RASA2: variants seen among roughly 807,000 people sequenced by gnomAD.
RASA2 encodes the protein RAS p21 protein activator 2, also known as ras GTPase-activating protein 2.
In RASA2, 155 loss-of-function variants were observed where a neutral mutation model predicts 118.2. The observed-to-expected ratio is 1.31, with a 90% confidence interval of 1.15 to 1.50. The LOEUF (loss-of-function observed/expected upper bound fraction) is 1.50, where lower values mean the gene tolerates loss of function less well. Among genes scored for constraint, RASA2 ranks in the 40% most tolerant of loss-of-function variants. The pLI, the probability that RASA2 is intolerant of heterozygous loss-of-function variation, is 0.00. For missense variants in RASA2, 1,016 were observed against 1,009.6 expected (o/e 1.01, Z -0.09); for synonymous variants, 353 against 349.1 (o/e 1.01, Z -0.12).
intron 1 of RASA2, among the ~76,000 whole-genome samples, chr3:141,503,847 C>G (rs79689507): frequency 2.4e-4 from 37 of 152,234 alleles, no homozygotes; most frequent in African/African-American, 8.9e-4. Flanking sequence ...CAAAACGTCT[C>G]TGTATTAATA....
intron 5 of RASA2, among the ~76,000 whole-genome samples, chr3:141,550,047 A>G (rs1444460283): frequency 6.6e-6 from 1 of 152,218 alleles, no homozygotes; most frequent in Non-Finnish European, 1.5e-5. Flanking sequence ...GATTTTTCCT[A>G]TAGTAGAATT....
At chr3:141,597,094 G>A (rs2083385303) in intron 19 of RASA2, among the ~76,000 whole-genome samples, 1 of 152,062 alleles carries the variant, frequency 6.6e-6, no homozygotes. Context: ...ATATATATAT[G>A]CAATAGAACA....
chr3:141,512,118 G>A (rs762316005), intron 1 of RASA2, 45 bp from the exon 2 acceptor site: 1 of 1,300,684 alleles, frequency 7.7e-7, no homozygotes, highest in Admixed American at 1.8e-5. Flanking sequence ...TTAGTATGAA[G>A]CAGTTGATGA....
rs182964468 is a variant in RASA2, at chr3:141,610,304, A to C, written c.2519+238A>C. The stretch of plus-strand genomic sequence containing the variant: ...TTTTAATTTCATATATATGTATATG[A>C]AATTATATATGATATATGTATATAA... On this transcript the variant is annotated intron_variant, in intron 23 of 23. Coordinates refer to ENST00000286364, the MANE Select transcript of RASA2 (RefSeq NM_006506.5). Among the ~76,000 whole-genome samples, 52 of 143,660 alleles carry C rather than the reference A, an allele frequency of 3.6e-4. 1 individual carries two copies. The East Asian group carries it at 0.01, about 28-fold the overall frequency. The allele number at this position is 143,660 out of a possible 152,430, so 94.2% of individuals were successfully genotyped here.
intron 17 of RASA2, among the ~76,000 whole-genome samples, chr3:141,582,111 A>T (rs1245457958): frequency 1.3e-5 from 2 of 152,256 alleles, no homozygotes; most frequent in Non-Finnish European, 2.9e-5. Context: ...GCCAAATGTT[A>T]AAGACTTCAT....
In RASA2 at chr3:141,613,074, C is replaced by G. The variant is rs1257116590; in HGVS notation, c.*761C>G. On this transcript the variant is annotated 3_prime_UTR_variant, in exon 24 of 24. Transcript: ENST00000286364. ...TCATTTTCTTGATTTGAAAGTTTAA[C>G]ATGACTTCTAAGGACATCTCTTCAA... 3 of 152,184 alleles carry G rather than the reference C, an allele frequency of 2.0e-5. No homozygotes were observed. The highest frequency in any genetic ancestry group is 7.2e-5 in the African/African-American group (3 of 41,430). 9.4% of individuals were successfully genotyped at this position (152,184 alleles called of 1,614,324 possible).
chr3:141,566,596 A>G (rs2082823889), intron 9 of RASA2, among the ~76,000 whole-genome samples: 1 of 152,260 alleles, frequency 6.6e-6, no homozygotes, highest in African/African-American at 2.4e-5. Flanking sequence ...TACTAAGTGA[A>G]TAGTGATGAC....
chr3:141,488,911 T>C (rs1015389273), intron 1 of RASA2, among the ~76,000 whole-genome samples: 3 of 152,206 alleles, frequency 2.0e-5, no homozygotes. Flanking sequence ...GAACTACATA[T>C]ACACATGTCT....
chr3:141,580,844 A>T (rs1325142237), intron 16 of RASA2, among the ~76,000 whole-genome samples: 1 of 152,000 alleles, frequency 6.6e-6, no homozygotes, highest in Non-Finnish European at 1.5e-5. Flanking sequence ...AAAAAAAAAA[A>T]AGCAGACAGT....
chr3:141,610,067 G>A lies in RASA2; in HGVS notation c.2519+1G>A. 3 of 1,568,268 alleles carry A rather than the reference G, an allele frequency of 1.9e-6. No homozygotes were observed. The highest frequency in any genetic ancestry group is 1.7e-6 in the Non-Finnish European group (2 of 1,157,978). On this transcript the variant is annotated splice_donor_variant, in intron 23 of 23. Transcript: ENST00000286364. LOFTEE classifies it high-confidence loss of function. ...CCAGTAGTGCAAAATATGGGAGCAAGTGAGTAATTTTTAAGCTATTGTAAA... is the reference window on the plus strand; with the variant it reads ...CCAGTAGTGCAAAATATGGGAGCAAATGAGTAATTTTTAAGCTATTGTAAA...
intron 19 of RASA2, among the ~76,000 whole-genome samples, chr3:141,597,164 G>A (rs1256458186): frequency 6.6e-6 from 1 of 152,162 alleles, no homozygotes; most frequent in Non-Finnish European, 1.5e-5. Flanking sequence ...ACTTTGGGAG[G>A]CCAAGGTAGG....
At chr3:141,497,240 G>T (rs1338482438) in intron 1 of RASA2, among the ~76,000 whole-genome samples, 3 of 150,536 alleles carry the variant, frequency 2.0e-5, no homozygotes, top group Non-Finnish European at 4.4e-5. Context: ...ATTAATGGGT[G>T]CAGCACACCA....
At position 141,612,944 on chromosome 3, in the gene RASA2, G is replaced by A. The variant is rs547495711; in HGVS notation, c.*631G>A. 1 of 152,168 alleles carries A rather than the reference G, an allele frequency of 6.6e-6. No individual in the cohort carries two copies. Among genetic ancestry groups the A allele is most frequent in the African/African-American group, 2.4e-5 (1 of 41,430 alleles). 9.4% of individuals were successfully genotyped at this position (152,168 alleles called of 1,614,324 possible). A position where few individuals can be genotyped will look rare whatever the true frequency, so the allele number is the denominator to read the frequency against. ...CAAAACTCAAGACAGAAGGAATCAG[G>A]GAATATGTGCTATTGTGTGCATCTT... On this transcript the variant is annotated 3_prime_UTR_variant, in exon 24 of 24. Coordinates refer to ENST00000286364, the MANE Select transcript of RASA2 (RefSeq NM_006506.5).
chr3:141,575,229 C>A (rs1292427032), intron 14 of RASA2, among the ~76,000 whole-genome samples: 1 of 152,188 alleles, frequency 6.6e-6, no homozygotes, highest in Non-Finnish European at 1.5e-5. Flanking sequence ...CATGTGCTCA[C>A]CCTGTACACA....
intron 4 of RASA2, among the ~76,000 whole-genome samples, chr3:141,534,034 C>T (rs1225271555): frequency 6.6e-6 from 1 of 152,138 alleles, no homozygotes; most frequent in Non-Finnish European, 1.5e-5. Context: ...TAGTTATCAT[C>T]TATTTCATTT....
intron 19 of RASA2, chr3:141,600,431 A>C: frequency 2.3e-6 from 1 of 426,080 alleles, no homozygotes; most frequent in Non-Finnish European, 4.8e-6. Context: ...GCAGCCCCCG[A>C]CCACATTCTA....
intron 4 of RASA2, among the ~76,000 whole-genome samples, chr3:141,532,937 TCTCTCAGTCTTTCC>T (rs1418574595): frequency 1.3e-5 from 2 of 152,106 alleles, no homozygotes; most frequent in African/African-American, 4.8e-5. Context: ...AATAATGTTT[TCTCTCAGTCTTTCC>T]CTCTCATTTT....
At chr3:141,557,147 TAGA>T (rs2082662352) in intron 7 of RASA2, among the ~76,000 whole-genome samples, 1 of 152,176 alleles carries the variant, frequency 6.6e-6, no homozygotes, top group Non-Finnish European at 1.5e-5. Context: ...CTTTTAAAAG[TAGA>T]AGGCCTGACC....
At chr3:141,543,531 G>A (rs1287228167) in intron 5 of RASA2, among the ~76,000 whole-genome samples, 3 of 151,806 alleles carry the variant, frequency 2.0e-5, no homozygotes, top group African/African-American at 4.8e-5. Context: ...GATGTTTCAC[G>A]ATTCCTTCTG....
Sources: allele counts gnomAD v4.1 joint callset (sites outside exome capture counted in the v4.1 genomes callset), GRCh38; gene constraint gnomAD v4.1.1; transcripts MANE v1.5; gene names NCBI Gene and HGNC (gene_info 2026-07-23, HGNC 2026-07-21).